Variants in CACNB2 observed in about 807,000 individuals in gnomAD.
CACNB2 encodes the protein voltage-dependent L-type calcium channel subunit beta-2.
A neutral mutation model predicts 73.3 loss-of-function variants in CACNB2; 42 were observed. The ratio of observed to expected loss-of-function variants is 0.57; its 90% CI spans 0.45 to 0.74. The LOEUF (loss-of-function observed/expected upper bound fraction) is 0.74. Among genes scored for constraint, CACNB2 ranks in the 30% least tolerant of loss-of-function variants. The pLI is 0.00. For missense variants in CACNB2, 940 were observed against 853.0 expected (o/e 1.10, Z -1.27); for synonymous variants, 348 against 310.3 (o/e 1.12, Z -1.28).
At chr10:18,404,521 C>G (rs2044177527) in intron 3 of CACNB2, among the ~76,000 whole-genome samples, 1 of 152,148 alleles carries the variant, frequency 6.6e-6, no homozygotes, top group African/African-American at 2.4e-5. Flanking sequence ...CTTTGCACAG[C>G]CATTTTGGAA....
intron 2 of CACNB2, among the ~76,000 whole-genome samples, chr10:18,281,640 G>A (rs142150190): frequency 1.5e-4 from 23 of 152,242 alleles, no homozygotes; most frequent in African/African-American, 5.3e-4. Context: ...AAAAAGCACA[G>A]TCTGAGACAA....
chr10:18,400,805 ACTCGAGTGTGTGTTTTCAGCCC>A (rs1381770435), intron 2 of CACNB2: 149 of 1,435,670 alleles, frequency 1.0e-4, no homozygotes, highest in Non-Finnish European at 1.3e-4. Context: ...AATATAAAGC[ACTCGAGTGTGTGTTTTCAGCCC>A]CTCCTGGAAT....
intron 2 of CACNB2, among the ~76,000 whole-genome samples, chr10:18,309,040 T>C (rs1282898658): frequency 1.3e-5 from 2 of 152,322 alleles, no homozygotes; most frequent in East Asian, 3.9e-4. Flanking sequence ...GAAGTGATGC[T>C]GTCCTTCTCC....
intron 7 of CACNB2, chr10:18,514,622 C>T: frequency 6.9e-7 from 1 of 1,458,794 alleles, no homozygotes; most frequent in Non-Finnish European, 9.6e-7. Flanking sequence ...TCATTTCTGT[C>T]CCAAGCAAAG....
At chr10:18,249,711 A>G (rs1157587002) in intron 2 of CACNB2, among the ~76,000 whole-genome samples, 1 of 152,120 alleles carries the variant, frequency 6.6e-6, no homozygotes, top group Non-Finnish European at 1.5e-5. Context: ...TCTCAAGGGA[A>G]TTTCACAAAA....
intron 3 of CACNB2, among the ~76,000 whole-genome samples, chr10:18,442,944 G>GTGTA (rs1554820288): frequency 5.1e-5 from 1 of 19,646 alleles, no homozygotes; most frequent in South Asian, 2.0e-3. Flanking sequence ...ATATATATGT[G>GTGTA]TATATATATA....
intron 3 of CACNB2, among the ~76,000 whole-genome samples, chr10:18,410,707 C>T (rs1032806088): frequency 2.6e-5 from 4 of 152,056 alleles, no homozygotes; most frequent in South Asian, 2.1e-4. Flanking sequence ...GTTGGCTGGG[C>T]GCGGTGGCTC....
intron 2 of CACNB2, among the ~76,000 whole-genome samples, chr10:18,204,209 A>G (rs543727474): frequency 5.3e-5 from 8 of 152,282 alleles, no homozygotes; most frequent in African/African-American, 1.7e-4. Context: ...TTTTTCATCA[A>G]TCTCTCCCTG....
intron 2 of CACNB2, among the ~76,000 whole-genome samples, chr10:18,167,539 C>T (rs890844411): frequency 6.6e-6 from 1 of 152,090 alleles, no homozygotes; most frequent in Non-Finnish European, 1.5e-5. Flanking sequence ...CACCAGTTTC[C>T]CTCTTACTGG....
rs1589647088 is a variant in CACNB2, at chr10:18,518,820, T to C, written c.886-90T>C. 1.4e-5 allele frequency: 17 copies of C among 1,218,292 alleles called. No individual in the cohort carries two copies. The East Asian group carries it at 4.0e-4, about 28-fold the overall frequency. 75.5% of individuals were successfully genotyped at this position (1,218,292 alleles called of 1,614,324 possible). A position where few individuals can be genotyped will look rare whatever the true frequency, so the allele number is the denominator to read the frequency against. On this transcript the variant is annotated intron_variant, in intron 8 of 13. Coordinates refer to ENST00000324631, the MANE Select transcript of CACNB2 (RefSeq NM_201596.3). Reference sequence around the variant, plus strand: ...TCTTTCCAGATGCAAAGCTCAGGTTTTCAAGCATTCCTAAGAGAAGTAAAA... The same window carrying C: ...TCTTTCCAGATGCAAAGCTCAGGTTCTCAAGCATTCCTAAGAGAAGTAAAA...
chr10:18,492,303 T>C (rs900643003), intron 3 of CACNB2, among the ~76,000 whole-genome samples: 1 of 152,076 alleles, frequency 6.6e-6, no homozygotes, highest in Non-Finnish European at 1.5e-5. Flanking sequence ...CATATCAAGA[T>C]AGAACACTGT....
intron 2 of CACNB2, among the ~76,000 whole-genome samples, chr10:18,299,093 G>A (rs1194235628): frequency 6.7e-5 from 9 of 134,922 alleles, no homozygotes; most frequent in Admixed American, 7.4e-5. Flanking sequence ...AAAAATAAAA[G>A]AAAAAATAAA....
chr10:18,414,537 C>T (rs1306351935), intron 3 of CACNB2, among the ~76,000 whole-genome samples: 2 of 140,672 alleles, frequency 1.4e-5, no homozygotes, highest in South Asian at 2.2e-4. Flanking sequence ...CAGGCTGGAG[C>T]GCAGTGGCAC....
chr10:18,436,159 G>T lies in CACNB2; in HGVS notation c.333+34116G>T, dbSNP rs917404499. On this transcript the variant is annotated intron_variant, in intron 3 of 13. Coordinates refer to ENST00000324631, the MANE Select transcript of CACNB2 (RefSeq NM_201596.3). ...CCTTGAAAATCTAAAGCTATGTGCA[G>T]TAACTCACAAATAGTGAATTAATTG... Among the ~76,000 whole-genome samples the T allele has an allele frequency of 5.3e-5, 8 of 152,214 alleles. No homozygotes were observed. The East Asian group carries it at 1.5e-3, about 29-fold the overall frequency.
At chr10:18,491,895 T>C (rs745395829) in intron 3 of CACNB2, among the ~76,000 whole-genome samples, 6 of 141,056 alleles carry the variant, frequency 4.3e-5, no homozygotes, top group African/African-American at 1.1e-4. Context: ...GAAAGAGATA[T>C]GTATCAGTAC....
At chr10:18,514,552 C>T in intron 7 of CACNB2, 183 bp downstream of exon 7, 1 of 1,612,880 alleles carries the variant, frequency 6.2e-7, no homozygotes, top group Non-Finnish European at 8.5e-7. Context: ...TTGACATAAG[C>T]TGTGTTTATC....
At chr10:18,423,487 G>T (rs560609151) in intron 3 of CACNB2, among the ~76,000 whole-genome samples, 1 of 152,136 alleles carries the variant, frequency 6.6e-6, no homozygotes, top group Non-Finnish European at 1.5e-5. Context: ...CCTGCCATAA[G>T]CAACGGTCCC....
intron 3 of CACNB2, among the ~76,000 whole-genome samples, chr10:18,453,524 C>T (rs1218954286): frequency 1.3e-5 from 2 of 152,232 alleles, no homozygotes; most frequent in Non-Finnish European, 2.9e-5. Context: ...TTGTCTCCTC[C>T]TCAGAGACTT....
intron 3 of CACNB2, among the ~76,000 whole-genome samples, chr10:18,434,294 T>C (rs2046028783): frequency 6.6e-6 from 1 of 152,146 alleles, no homozygotes; most frequent in Non-Finnish European, 1.5e-5. Flanking sequence ...ACTTCAAATA[T>C]TTCAGGGATA....
Sources: allele counts gnomAD v4.1 joint callset (sites outside exome capture counted in the v4.1 genomes callset), GRCh38; gene constraint gnomAD v4.1.1; transcripts MANE v1.5; gene names NCBI Gene and HGNC (gene_info 2026-07-23, HGNC 2026-07-21).